PCSK5: variants seen among roughly 807,000 people sequenced by gnomAD.
PCSK5 encodes the protein prohormone convertase 5.
In PCSK5, 129 loss-of-function variants were observed where a neutral mutation model predicts 233.2. That is an observed-to-expected ratio of 0.55 (90% CI 0.48 to 0.64). The LOEUF is 0.64. PCSK5 is among the 30% of genes least tolerant of loss of function. The pLI is 0.00. For synonymous variants in PCSK5, 825 were observed against 879.2 expected, an observed-to-expected ratio of 0.94 and a Z score of 1.09; for missense variants, 2,076 against 2,430.1, an observed-to-expected ratio of 0.85 and a Z score of 3.06.
intron 2 of PCSK5, among the ~76,000 whole-genome samples, chr9:75,948,249 T>G (rs556989488): frequency 1.3e-5 from 2 of 152,164 alleles, no homozygotes; most frequent in African/African-American, 4.8e-5. Flanking sequence ...CCATGTTGGT[T>G]GTTGCTCCCA....
chr9:76,093,080 C>CTTTT (rs71372045), intron 7 of PCSK5, among the ~76,000 whole-genome samples: 17 of 85,704 alleles, frequency 2.0e-4, no homozygotes, highest in Admixed American at 3.2e-4. Context: ...TTGTCTTTCC[C>CTTTT]TTTTTTTTTT....
intron 1 of PCSK5, among the ~76,000 whole-genome samples, chr9:75,910,703 A>ACT (rs928875781): frequency 1.3e-5 from 2 of 151,666 alleles, no homozygotes; most frequent in African/African-American, 4.8e-5. Context: ...TTAATAGAGA[A>ACT]CTCTCTTTCT....
intron 5 of PCSK5, among the ~76,000 whole-genome samples, chr9:76,054,879 A>C (rs749837346): frequency 5.9e-5 from 9 of 152,086 alleles, no homozygotes; most frequent in Non-Finnish European, 1.3e-4. Context: ...ACTTTAACTC[A>C]CCATAAGAAA....
chr9:76,292,410 G>A, intron 25 of PCSK5, 135 bp downstream of exon 25: 1 of 638,704 alleles, frequency 1.6e-6, no homozygotes, highest in Non-Finnish European at 2.8e-6. Context: ...CTATTAATGA[G>A]CAATTCTTGG....
rs541931522 is a variant in PCSK5, at chr9:75,977,730, C to T, written c.298-8402C>T. Among the ~76,000 whole-genome samples the T allele has an allele frequency of 4.0e-3, 604 of 151,666 alleles. 4 individuals are homozygous for T. Among genetic ancestry groups the T allele is most frequent in the Non-Finnish European group, 6.7e-3 (458 of 67,902 alleles). ...GGTTCAAGCAATTCTCCTGCCTCAT[C>T]CCCCCAAGTAGCTGGGATTACAGGC... is the stretch of plus-strand genomic sequence containing the variant. On this transcript the variant is annotated intron_variant, in intron 2 of 37. Transcript: ENST00000674117.
chr9:76,262,255 T>G (rs1303193332), intron 24 of PCSK5, among the ~76,000 whole-genome samples: 6 of 152,128 alleles, frequency 3.9e-5, no homozygotes, highest in Non-Finnish European at 1.5e-5. Flanking sequence ...ATGACTTTCT[T>G]CACAGAATTG....
chr9:76,345,185 A>T (rs1419670721), intron 35 of PCSK5, among the ~76,000 whole-genome samples: 2 of 116,848 alleles, frequency 1.7e-5, no homozygotes, highest in Non-Finnish European at 3.6e-5. Flanking sequence ...TTATTTTATT[A>T]TTTTATTTTA....
intron 10 of PCSK5, among the ~76,000 whole-genome samples, chr9:76,136,145 G>T (rs919266083): frequency 6.6e-6 from 1 of 151,934 alleles, no homozygotes; most frequent in Non-Finnish European, 1.5e-5. Context: ...AATGGGCTGG[G>T]CTCCCAGTGG....
At chr9:75,952,448 G>A (rs1038610282) in intron 2 of PCSK5, among the ~76,000 whole-genome samples, 3 of 152,026 alleles carry the variant, frequency 2.0e-5, no homozygotes, top group African/African-American at 4.8e-5. Context: ...CATACTTTTT[G>A]AAAATTTAAA....
chr9:76,313,128 A>G (rs1828913100), intron 30 of PCSK5, among the ~76,000 whole-genome samples: 1 of 152,180 alleles, frequency 6.6e-6, no homozygotes, highest in South Asian at 2.1e-4. Flanking sequence ...CCAATGAGGA[A>G]AAGAATAGCA....
chr9:76,038,312 C>T (rs1233539927), intron 5 of PCSK5, among the ~76,000 whole-genome samples: 3 of 152,032 alleles, frequency 2.0e-5, no homozygotes, highest in Non-Finnish European at 4.4e-5. Flanking sequence ...GTTGTTATTC[C>T]GCAGAGAAAG....
At chr9:76,256,706 G>T (rs576352010) in intron 24 of PCSK5, among the ~76,000 whole-genome samples, 3 of 152,316 alleles carry the variant, frequency 2.0e-5, no homozygotes, top group Admixed American at 6.5e-5. Context: ...CACGCTTAAA[G>T]AAAAATAAAA....
At chr9:76,351,975 G>C (rs1305202990) in intron 36 of PCSK5, among the ~76,000 whole-genome samples, 1 of 152,104 alleles carries the variant, frequency 6.6e-6, no homozygotes, top group Admixed American at 6.6e-5. Flanking sequence ...GATGCTACTG[G>C]AAAGGGGTCC....
intron 7 of PCSK5, among the ~76,000 whole-genome samples, chr9:76,085,895 T>A (rs534010330): frequency 6.6e-6 from 1 of 152,328 alleles, no homozygotes; most frequent in Non-Finnish European, 1.5e-5. Context: ...ATTGCTGGAA[T>A]ATCCCTCTAT....
At chr9:76,067,821 T>C in intron 5 of PCSK5, 134 bp from the exon 6 acceptor site, 2 of 680,468 alleles carry the variant, frequency 2.9e-6, no homozygotes, top group Non-Finnish European at 5.4e-6. Flanking sequence ...ACAGACAAAG[T>C]GCTACTTGGG....
chr9:75,977,580 C>T (rs1282100682), intron 2 of PCSK5, among the ~76,000 whole-genome samples: 1 of 149,252 alleles, frequency 6.7e-6, no homozygotes, highest in Non-Finnish European at 1.5e-5. Context: ...GGAAATGGCT[C>T]CATCTCAAAA....
intron 10 of PCSK5, among the ~76,000 whole-genome samples, chr9:76,153,133 C>G: frequency 6.6e-6 from 1 of 152,144 alleles, no homozygotes; most frequent in Non-Finnish European, 1.5e-5. Context: ...ATGTAAGCAG[C>G]CCTGAACTCT....
At position 76,121,899 on chromosome 9, in the gene PCSK5, C is replaced by G. The variant is rs1196911674; in HGVS notation, c.1209-12210C>G. Among the ~76,000 whole-genome samples, 3 of 41,984 alleles carry G rather than the reference C, an allele frequency of 7.1e-5. 1 individual carries two copies. In the East Asian group the frequency reaches 2.3e-3, roughly 33 times the overall value. 27.5% of individuals were successfully genotyped at this position (41,984 alleles called of 152,430 possible). A position where few individuals can be genotyped will look rare whatever the true frequency, so the allele number is the denominator to read the frequency against. ...AGTGCAGTGGCGGGATCTCGGCTCA[C>G]TGCAAGCTCCGCCTCCCGGGTTCAC... On this transcript the variant is annotated intron_variant, in intron 9 of 37. Transcript: ENST00000674117.
chr9:76,320,485 T>G (rs1294219897), intron 30 of PCSK5, among the ~76,000 whole-genome samples: 3 of 126,284 alleles, frequency 2.4e-5, no homozygotes, highest in Non-Finnish European at 3.4e-5. Context: ...TTTTTTTTTT[T>G]TGAGACAGAA....
Sources: gnomAD v4.1 joint callset for allele counts (sites outside exome capture counted in the v4.1 genomes callset) on GRCh38, gnomAD v4.1.1 for gene constraint, MANE v1.5 for transcripts, NCBI Gene and HGNC (gene_info 2026-07-23, HGNC 2026-07-21) for gene names.